The following RHOJ variants were observed in gnomAD, a reference collection of about 807,000 sequenced individuals.
RHOJ encodes ras homolog family member J, also known as rho-related GTP-binding protein RhoJ.
In RHOJ, 11 loss-of-function variants were observed where a neutral mutation model predicts 23.4. That is an observed-to-expected ratio of 0.47 (90% CI 0.30 to 0.78). RHOJ has a LOEUF of 0.78. Ranked by LOEUF, RHOJ falls within the 30% of genes least tolerant of loss-of-function variation. RHOJ has a pLI of 0.08. For synonymous variants in RHOJ, 102 were observed against 102.7 expected, an observed-to-expected ratio of 0.99 and a Z score of 0.04; for missense variants, 254 against 273.4, an observed-to-expected ratio of 0.93 and a Z score of 0.50.
chr14:63,216,994 A>G (rs1007197460), intron 1 of RHOJ, among the ~76,000 whole-genome samples: 4 of 152,094 alleles, frequency 2.6e-5, no homozygotes, highest in Admixed American at 2.6e-4. Flanking sequence ...GAAAATTCTC[A>G]TCCCTGTCAT....
chr14:63,254,043 G>GT, intron 1 of RHOJ, among the ~76,000 whole-genome samples: 1 of 152,266 alleles, frequency 6.6e-6, no homozygotes, highest in Middle Eastern at 3.4e-3. Flanking sequence ...CCAGCCGCTT[G>GT]TGGAGGTGGG....
chr14:63,214,809 G>T (rs1894318361), intron 1 of RHOJ, among the ~76,000 whole-genome samples: 1 of 152,110 alleles, frequency 6.6e-6, no homozygotes. Context: ...CCAGCTGCTG[G>T]GGGAAAAGCC....
At chr14:63,222,141 A>G (rs1037687768) in intron 1 of RHOJ, among the ~76,000 whole-genome samples, 3 of 151,988 alleles carry the variant, frequency 2.0e-5, no homozygotes, top group Non-Finnish European at 2.9e-5. Context: ...ATGTCCCTAC[A>G]AAGGACATGA....
chr14:63,212,052 T>C (rs891796400), intron 1 of RHOJ, among the ~76,000 whole-genome samples: 3 of 152,190 alleles, frequency 2.0e-5, no homozygotes, highest in Admixed American at 2.0e-4. Context: ...CTTTCTTCCA[T>C]GTGGTCATTT....
chr14:63,266,744 A>G (rs1202800734), intron 1 of RHOJ, among the ~76,000 whole-genome samples: 1 of 152,184 alleles, frequency 6.6e-6, no homozygotes, highest in African/African-American at 2.4e-5. Flanking sequence ...ATTTTTGTAC[A>G]TTGATTTTTA....
intron 1 of RHOJ, among the ~76,000 whole-genome samples, chr14:63,247,868 C>T (rs1895003853): frequency 6.6e-6 from 1 of 152,154 alleles, no homozygotes; most frequent in Non-Finnish European, 1.5e-5. Flanking sequence ...GGGGAGGCCT[C>T]ACAATCATGG....
At chr14:63,276,747 A>G (rs530473449) in intron 2 of RHOJ, among the ~76,000 whole-genome samples, 5 of 152,298 alleles carry the variant, frequency 3.3e-5, no homozygotes, top group Admixed American at 2.0e-4. Context: ...CAACCCAGCA[A>G]CCCATGGTCT....
In RHOJ at chr14:63,258,228, CA is replaced by C. The variant is rs1300550864; in HGVS notation, c.179-10862del. 7.6e-3 allele frequency among the ~76,000 whole-genome samples: 526 copies of C among 69,014 alleles called. 2 individuals carry two copies. Among genetic ancestry groups the C allele is most frequent in the East Asian group, 0.044 (101 of 2,304 alleles). The allele number at this position is 69,014 out of a possible 152,430, so 45.3% of individuals were successfully genotyped here. A position where few individuals can be genotyped will look rare whatever the true frequency, so the allele number is the denominator to read the frequency against. On this transcript the variant is annotated intron_variant, in intron 1 of 4. Coordinates refer to ENST00000316754, the MANE Select transcript of RHOJ (RefSeq NM_020663.5). ...GGGCAACAAGAGTGAAACTCTGTCC[CA>C]AAAAAAAAAAAAAAAAAAAGGGCTA...
rs1299783875 is a variant in RHOJ at position 63,284,074 on chromosome 14, A to G, written c.498+858A>G. On this transcript the variant is annotated intron_variant, in intron 4 of 4. Transcript: ENST00000316754. Reference sequence around the variant, plus strand: ...TTGGAAATTTTCAATCTTACTTTCTAAGTGACTAACCTAGTAAAACGCATA... The same window carrying G: ...TTGGAAATTTTCAATCTTACTTTCTGAGTGACTAACCTAGTAAAACGCATA... 2.6e-5 allele frequency among the ~76,000 whole-genome samples: 4 copies of G among 152,234 alleles called. No homozygotes were observed. In the East Asian group the frequency reaches 7.7e-4, roughly 29 times the overall value.
chr14:63,283,846 A>C (rs1881987279), intron 4 of RHOJ, among the ~76,000 whole-genome samples: 1 of 152,182 alleles, frequency 6.6e-6, no homozygotes, highest in African/African-American at 2.4e-5. Context: ...TAACATGAAG[A>C]GTTAAGAAAA....
At chr14:63,241,955 G>C (rs757037901) in intron 1 of RHOJ, among the ~76,000 whole-genome samples, 17 of 152,208 alleles carry the variant, frequency 1.1e-4, no homozygotes, top group Non-Finnish European at 1.9e-4. Flanking sequence ...CAAAGTAAAT[G>C]CTTTGGTGGT....
rs555496019 is a variant in RHOJ, at chr14:63,220,424, G to A, written c.178+15377G>A. 7.3e-5 allele frequency among the ~76,000 whole-genome samples: 11 copies of A among 149,862 alleles called. No homozygotes were observed. In the East Asian group the frequency reaches 2.2e-3, roughly 29 times the overall value. ...ACAAATTTACCTATGTAACAAACCT[G>A]CACATGTATCCCTGAACTTAAAAGT... On this transcript the variant is annotated intron_variant, in intron 1 of 4. Transcript: ENST00000316754.
chr14:63,205,335 C>T (rs1459232616), intron 1 of RHOJ, among the ~76,000 whole-genome samples: 1 of 152,104 alleles, frequency 6.6e-6, no homozygotes, highest in Non-Finnish European at 1.5e-5. Flanking sequence ...ACATTTGCCT[C>T]AACATTCATT....
In RHOJ at chr14:63,292,718, G is replaced by A. The variant is rs1205790217; in HGVS notation, c.*1694G>A. 1 of 152,186 alleles carries A rather than the reference G, an allele frequency of 6.6e-6. No homozygotes were observed. The highest frequency in any genetic ancestry group is 2.4e-5 in the African/African-American group (1 of 41,392). 9.4% of individuals were successfully genotyped at this position (152,186 alleles called of 1,614,324 possible). A position where few individuals can be genotyped will look rare whatever the true frequency, so the allele number is the denominator to read the frequency against. On this transcript the variant is annotated 3_prime_UTR_variant, in exon 5 of 5. Transcript: ENST00000316754. ...AATCCCAACACTTAGGGAGGCTGAG[G>A]TGGGTGGGCCGCTTGAGCTCAGGAG... is the stretch of plus-strand genomic sequence containing the variant.
intron 1 of RHOJ, among the ~76,000 whole-genome samples, chr14:63,238,058 A>G (rs1894820517): frequency 6.6e-6 from 1 of 152,202 alleles, no homozygotes; most frequent in Non-Finnish European, 1.5e-5. Context: ...CTTGATTTCC[A>G]CCAGCAGTAG....
At chr14:63,280,217 G>T (rs956638659) in intron 2 of RHOJ, among the ~76,000 whole-genome samples, 1 of 152,042 alleles carries the variant, frequency 6.6e-6, no homozygotes, top group Non-Finnish European at 1.5e-5. Context: ...TAGAGATAGG[G>T]TCTCGCTATA....
intron 1 of RHOJ, among the ~76,000 whole-genome samples, chr14:63,209,671 T>C (rs1483664294): frequency 2.6e-5 from 4 of 152,202 alleles, no homozygotes; most frequent in African/African-American, 7.2e-5. Flanking sequence ...CTGCATATTA[T>C]AGACACTCAA....
At chr14:63,230,025 G>A (rs1222611234) in intron 1 of RHOJ, among the ~76,000 whole-genome samples, 1 of 151,984 alleles carries the variant, frequency 6.6e-6, no homozygotes, top group Non-Finnish European at 1.5e-5. Context: ...GGGATTTAAT[G>A]ACCTGAGAAC....
rs74061918 is a variant in RHOJ, at chr14:63,279,503, C to T, written c.238-1468C>T. On this transcript the variant is annotated intron_variant, in intron 2 of 4. Transcript: ENST00000316754. The stretch of plus-strand genomic sequence containing the variant: ...TTTCTATTGAAATATCAGGTTTTAC[C>T]GTGGAACCTCCTAAAACATTTTACA... Among the ~76,000 whole-genome samples, 413 of 152,230 alleles carry T rather than the reference C, an allele frequency of 2.7e-3. 2 individuals carry two copies. Among genetic ancestry groups the T allele is most frequent in the African/African-American group, 9.7e-3 (404 of 41,552 alleles).
Sources: allele counts gnomAD v4.1 joint callset (sites outside exome capture counted in the v4.1 genomes callset), GRCh38; gene constraint gnomAD v4.1.1; transcripts MANE v1.5; gene names NCBI Gene and HGNC (gene_info 2026-07-23, HGNC 2026-07-21).